The following FAT3 variants were observed in gnomAD, a reference collection of about 807,000 sequenced individuals.
FAT3 encodes the protein FAT atypical cadherin 3.
In FAT3, 95 loss-of-function variants were observed where a neutral mutation model predicts 310.2. That is an observed-to-expected ratio of 0.31 (90% CI 0.26 to 0.36). The LOEUF (loss-of-function observed/expected upper bound fraction) is 0.36, where lower values mean the gene tolerates loss of function less well. Among genes scored for constraint, FAT3 ranks in the 10% least tolerant of loss-of-function variants. The pLI, the probability that FAT3 is intolerant of heterozygous loss-of-function variation, is 1.00. For missense variants in FAT3, 5,408 were observed against 5,715.6 expected (o/e 0.95, Z 1.74); for synonymous variants, 2,314 against 2,192.9 (o/e 1.06, Z -1.54).
intron 4 of FAT3, among the ~76,000 whole-genome samples, chr11:92,746,182 T>G (rs1764528147): frequency 6.6e-6 from 1 of 152,220 alleles, no homozygotes; most frequent in South Asian, 2.1e-4. Context: ...GTTCTCATGC[T>G]GCTAATAAAG....
intron 3 of FAT3, among the ~76,000 whole-genome samples, chr11:92,676,654 G>A (rs1943298351): frequency 6.6e-6 from 1 of 152,196 alleles, no homozygotes; most frequent in Admixed American, 6.5e-5. Flanking sequence ...AAGTAAGATT[G>A]AGAAGAAGTG....
intron 1 of FAT3, among the ~76,000 whole-genome samples, chr11:92,327,635 A>G (rs1947799239): frequency 6.6e-6 from 1 of 152,172 alleles, no homozygotes; most frequent in South Asian, 2.1e-4. Flanking sequence ...AATGATTTTC[A>G]GACATCATTG....
intron 3 of FAT3, among the ~76,000 whole-genome samples, chr11:92,661,633 CAAAT>C (rs1349900364): frequency 6.6e-6 from 1 of 151,620 alleles, no homozygotes; most frequent in Non-Finnish European, 1.5e-5. Flanking sequence ...CATGCCCATT[CAAAT>C]AAATAAATGG....
chr11:92,535,459 A>G (rs540598827), intron 3 of FAT3, among the ~76,000 whole-genome samples: 1 of 151,856 alleles, frequency 6.6e-6, no homozygotes, highest in South Asian at 2.1e-4. Context: ...AGCCCTAGGA[A>G]GCTAACATGA....
intron 1 of FAT3, among the ~76,000 whole-genome samples, chr11:92,263,308 A>G (rs1254498648): frequency 1.3e-5 from 2 of 151,840 alleles, no homozygotes; most frequent in Non-Finnish European, 2.9e-5. Flanking sequence ...GGTCTGGAAT[A>G]TATATACACA....
intron 3 of FAT3, among the ~76,000 whole-genome samples, chr11:92,610,660 T>A (rs565793771): frequency 4.9e-4 from 75 of 152,294 alleles, no homozygotes; most frequent in African/African-American, 1.7e-3. Context: ...TTGGGTTCCT[T>A]TTTATATGAT....
Position 92,890,704 on chromosome 11 carries a change from C to G in FAT3, c.13361C>G (p.Pro4454Arg), listed in dbSNP as rs765169554. ...TTGAGTCAGGACCAGCTGCCTCCTC[C>G]TCTCCCGGAGGACTTCCCAGACCAA... is the stretch of plus-strand genomic sequence containing the variant. ...EFLSQDQLPP[P>R]LPEDFPDQYE... Residue 4454 changes from proline to arginine, a missense_variant, in exon 28 of 28, where the codon CCT becomes CGT. By Grantham distance (103) the Pro-to-Arg change is moderately radical. Around this residue, in one of 5 missense-constraint regions of FAT3, gnomAD observed 649 missense variants for 666.2 expected, o/e 0.97. Coordinates refer to ENST00000525166, the MANE Select transcript of FAT3 (RefSeq NM_001367949.2). 6.2e-7 allele frequency: 1 copy of G among 1,613,646 alleles called. No homozygotes were observed. Among genetic ancestry groups the G allele is most frequent in the Admixed American group, 1.7e-5 (1 of 59,964 alleles).
In FAT3 at chr11:92,396,567, C is replaced by T. The variant is rs1949874243; in HGVS notation, c.3292+41163C>T. Among the ~76,000 whole-genome samples the T allele has an allele frequency of 3.9e-5, 6 of 152,294 alleles. No homozygotes were observed. The South Asian group carries it at 1.2e-3, about 32-fold the overall frequency. Reference sequence around the variant, plus strand: ...CCTCTCCTGGCCCATTGGTGGAGAACATCCAGGGACCCCGTGGAAGTGCAA... The same window carrying T: ...CCTCTCCTGGCCCATTGGTGGAGAATATCCAGGGACCCCGTGGAAGTGCAA... On this transcript the variant is annotated intron_variant, in intron 2 of 27. Transcript: ENST00000525166.
At chr11:92,839,171 A>G (rs1948476279) in intron 17 of FAT3, among the ~76,000 whole-genome samples, 1 of 152,182 alleles carries the variant, frequency 6.6e-6, no homozygotes, top group African/African-American at 2.4e-5. Context: ...CTGTTTTCAA[A>G]TGCGCAACAG....
chr11:92,484,523 A>G (rs1952319639), intron 2 of FAT3, among the ~76,000 whole-genome samples: 1 of 152,226 alleles, frequency 6.6e-6, no homozygotes, highest in African/African-American at 2.4e-5. Flanking sequence ...AAACTACTTC[A>G]GAACAATGGA....
intron 6 of FAT3, among the ~76,000 whole-genome samples, chr11:92,772,987 A>C (rs2136113173): frequency 6.6e-6 from 1 of 152,326 alleles, no homozygotes; most frequent in South Asian, 2.1e-4. Context: ...TATGAAATTC[A>C]ATAAATACAT....
chr11:92,736,330 T>A (rs1391161246), intron 4 of FAT3, among the ~76,000 whole-genome samples: 1 of 152,122 alleles, frequency 6.6e-6, no homozygotes, highest in African/African-American at 2.4e-5. Flanking sequence ...CCTTCCAAGA[T>A]GCTCACCAAG....
At chr11:92,275,449 G>T (rs531611710) in intron 1 of FAT3, among the ~76,000 whole-genome samples, 37 of 151,692 alleles carry the variant, frequency 2.4e-4, no homozygotes, top group African/African-American at 8.7e-4. Flanking sequence ...CTCATCTTTG[G>T]TTCTACTGAT....
chr11:92,525,013 C>A, intron 3 of FAT3, 65 bp downstream of exon 3: 2 of 1,303,090 alleles, frequency 1.5e-6, no homozygotes, highest in Non-Finnish European at 2.2e-6. Flanking sequence ...ATCAGCCTGA[C>A]ACTTTCTGTA....
chr11:92,258,587 G>A (rs2134298356), intron 1 of FAT3, among the ~76,000 whole-genome samples: 1 of 152,196 alleles, frequency 6.6e-6, no homozygotes, highest in South Asian at 2.1e-4. Flanking sequence ...GAGGATGGTA[G>A]TTGGAGATAA....
intron 1 of FAT3, among the ~76,000 whole-genome samples, chr11:92,322,353 G>A (rs2134499967): frequency 6.6e-6 from 1 of 152,314 alleles, no homozygotes; most frequent in Middle Eastern, 3.4e-3. Flanking sequence ...CCTTCAGTGA[G>A]TCACAATGTT....
rs372181052 is a variant in FAT3 at position 92,844,378 on chromosome 11, C to A, written c.11011C>A (p.Arg3671Ser). ...GGGGCTGCACATGCATGGGTTCCGG[C>A]GCACCCTGCGGAATGCAGTCCTCAC... ...FVGLHMHGFR[R>S]TLRNAVLTQK... The change falls in exon 19 of 28, where the codon CGC (arginine) becomes AGC (serine). Residue 3671 changes from arginine to serine, a missense_variant. Physicochemically the swap from Arg to Ser is moderately radical, Grantham distance 110. Coordinates refer to ENST00000525166, the MANE Select transcript of FAT3 (RefSeq NM_001367949.2). The A allele has an allele frequency of 5.2e-5, 84 of 1,613,786 alleles. No individual in the cohort carries two copies. Among genetic ancestry groups the A allele is most frequent in the Non-Finnish European group, 1.9e-5 (22 of 1,179,896 alleles).
chr11:92,431,686 G>C (rs895604460), intron 2 of FAT3, among the ~76,000 whole-genome samples: 1 of 152,102 alleles, frequency 6.6e-6, no homozygotes, highest in South Asian at 2.1e-4. Context: ...ATTAATTTTT[G>C]TATAAGGTAT....
chr11:92,851,606 G>A (rs1297445496), intron 19 of FAT3, among the ~76,000 whole-genome samples: 1 of 152,114 alleles, frequency 6.6e-6, no homozygotes, highest in African/African-American at 2.4e-5. Context: ...TTTGTGACAG[G>A]AGCTAAACAC....
Sources: allele counts gnomAD v4.1 joint callset (sites outside exome capture counted in the v4.1 genomes callset), GRCh38; gene constraint gnomAD v4.1.1; regional missense constraint gnomAD v4.1.1; transcripts MANE v1.5; gene names NCBI Gene and HGNC (gene_info 2026-07-23, HGNC 2026-07-21).